GGCX: variants seen among roughly 807,000 people sequenced by gnomAD.
GGCX encodes gamma-glutamyl carboxylase.
GGCX carries 63 observed loss-of-function variants against 88.5 expected under a neutral mutation model. The observed-to-expected ratio is 0.71, with a 90% CI of 0.58 to 0.88. The LOEUF is 0.88. Ranked by LOEUF, GGCX falls within the 40% of genes least tolerant of loss-of-function variation. GGCX has a pLI of 0.00. For missense variants in GGCX, 805 were observed against 932.9 expected (o/e 0.86, Z 1.79); for synonymous variants, 368 against 365.8 (o/e 1.01, Z -0.07).
At chr2:85,553,142 C>G in intron 8 of GGCX, 72 bp from the exon 9 acceptor site, 2 of 1,610,152 alleles carry the variant, frequency 1.2e-6, no homozygotes, top group Non-Finnish European at 1.7e-6. Context: ...CAAGAAGGGG[C>G]TGCAAAACCA....
intron 10 of GGCX, 43 bp from the exon 11 acceptor site, chr2:85,552,024 AC>A: frequency 7.0e-7 from 1 of 1,427,008 alleles, no homozygotes; most frequent in Non-Finnish European, 9.9e-7. Context: ...ACAGCCACCC[AC>A]CCACCAGAAC....
chr2:85,551,119 C>G, intron 12 of GGCX, 47 bp from the exon 13 acceptor site: 2 of 1,569,888 alleles, frequency 1.3e-6, no homozygotes, highest in Non-Finnish European at 8.8e-7. Flanking sequence ...TTTTCTCTAG[C>G]CAGCTTATGG....
chr2:85,554,453 G>GTTT (rs376988482), intron 6 of GGCX, 147 bp from the exon 7 acceptor site: 1 of 565,396 alleles, frequency 1.8e-6, no homozygotes. Context: ...CCTCTAGGTT[G>GTTT]TTTGTTGTTG....
intron 4 of GGCX, among the ~76,000 whole-genome samples, chr2:85,556,595 T>C (rs1573328287): frequency 6.6e-6 from 1 of 152,188 alleles, no homozygotes; most frequent in East Asian, 1.9e-4. Context: ...TTTGAAAAGC[T>C]ATGTATGTGT....
In GGCX at chr2:85,550,069, C is replaced by T; in HGVS notation, c.2142G>A (p.Glu714=). Reference sequence around the variant, plus strand: ...CATAAGTCACCTCCTGGGCCAGCTGCTCCAGGGAAGGACGGCCTAATATCA... The same window carrying T: ...CATAAGTCACCTCCTGGGCCAGCTGTTCCAGGGAAGGACGGCCTAATATCA... The part of the protein sequence containing the change: ...RNLILGRPSL[E]QLAQEVTYAN... The change falls in exon 15 of 15, where the codon GAG becomes GAA. Residue 714 remains glutamate (E), a synonymous_variant. Coordinates refer to ENST00000233838, the MANE Select transcript of GGCX (RefSeq NM_000821.7). The T allele has an allele frequency of 1.2e-6, 2 of 1,612,796 alleles. No individual in the cohort carries two copies. Among genetic ancestry groups the T allele is most frequent in the Non-Finnish European group, 1.7e-6 (2 of 1,178,806 alleles).
In GGCX at chr2:85,546,495, T is replaced by A. The variant is rs1691673390; in HGVS notation, c.*3439A>T. 1 of 151,662 alleles carries A rather than the reference T, an allele frequency of 6.6e-6. No individual in the cohort carries two copies. The highest frequency in any genetic ancestry group is 1.5e-5 in the Non-Finnish European group (1 of 68,014). The allele number at this position is 151,662 out of a possible 1,614,324, so 9.4% of individuals were successfully genotyped here. ...ACTTTGGGAGGCTAATGCGGGTGGA[T>A]CACCTGAGGTCACGGTTTGATACCA... On this transcript the variant is annotated 3_prime_UTR_variant, in exon 15 of 15. Coordinates refer to ENST00000233838, the MANE Select transcript of GGCX (RefSeq NM_000821.7).
rs1691697861 is a variant in GGCX at position 85,546,968 on chromosome 2, G to A, written c.*2966C>T. The A allele has an allele frequency of 1.3e-5, 2 of 152,210 alleles. No individual in the cohort carries two copies. The highest frequency in any genetic ancestry group is 1.3e-4 in the Admixed American group (2 of 15,282). 9.4% of individuals were successfully genotyped at this position (152,210 alleles called of 1,614,324 possible). Reference sequence around the variant, plus strand: ...AAGTTTTCAAAAGTAACCGCTTTAAGGTTATGTTCAGTATTTGCTAAGTAA... The same window carrying A: ...AAGTTTTCAAAAGTAACCGCTTTAAAGTTATGTTCAGTATTTGCTAAGTAA... On this transcript the variant is annotated 3_prime_UTR_variant, in exon 15 of 15. Transcript: ENST00000233838.
At chr2:85,556,717 G>C (rs1361285507) in intron 4 of GGCX, among the ~76,000 whole-genome samples, 2 of 152,184 alleles carry the variant, frequency 1.3e-5, no homozygotes, top group East Asian at 1.9e-4. Flanking sequence ...TCCAGTATAA[G>C]AGGGTTCCTG....
rs530858793 is a variant in GGCX, at chr2:85,544,802, C to T, written c.*5132G>A. On this transcript the variant is annotated 3_prime_UTR_variant, in exon 15 of 15. Coordinates refer to ENST00000233838, the MANE Select transcript of GGCX (RefSeq NM_000821.7). ...GTGTAGCTACAGAGAAACCAGCTTC[C>T]TTCAGAGAGCAGTGCTTTTGGCGGG... 1 of 152,756 alleles carries T rather than the reference C, an allele frequency of 6.5e-6. No homozygotes were observed. Among genetic ancestry groups the T allele is most frequent in the East Asian group, 1.9e-4 (1 of 5,194 alleles). The allele number at this position is 152,756 out of a possible 1,614,324, so 9.5% of individuals were successfully genotyped here. A position where few individuals can be genotyped will look rare whatever the true frequency, so the allele number is the denominator to read the frequency against.
Position 85,561,446 on chromosome 2 carries a change from A to T in GGCX, c.-18T>A, listed in dbSNP as rs1362833484. The T allele has an allele frequency of 7.7e-6, 12 of 1,556,344 alleles. No individual in the cohort carries two copies. The Middle Eastern group carries it at 5.3e-4, about 69-fold the overall frequency. Reference sequence around the variant, plus strand: ...ACCGCCATTGCTCTGCGGAGGAGGCAGGTGGGTCACAGCTGCCGCGTCTGA... The same window carrying T: ...ACCGCCATTGCTCTGCGGAGGAGGCTGGTGGGTCACAGCTGCCGCGTCTGA... On this transcript the variant is annotated 5_prime_UTR_variant, in exon 1 of 15. Coordinates refer to ENST00000233838, the MANE Select transcript of GGCX (RefSeq NM_000821.7).
intron 10 of GGCX, 56 bp from the exon 11 acceptor site, chr2:85,552,037 T>G: frequency 4.0e-6 from 5 of 1,241,980 alleles, no homozygotes; most frequent in Non-Finnish European, 5.9e-6. Flanking sequence ...CACCAGAACT[T>G]CCAGTTCTCT....
intron 14 of GGCX, among the ~76,000 whole-genome samples, 180 bp from the exon 15 acceptor site, chr2:85,550,306 T>C (rs1211556888): frequency 6.6e-6 from 1 of 152,106 alleles, no homozygotes; most frequent in Non-Finnish European, 1.5e-5. Context: ...TACAGTCTGG[T>C]AGAGGATTCC....
At chr2:85,560,476 G>C (rs1463968827) in intron 2 of GGCX, among the ~76,000 whole-genome samples, 1 of 152,096 alleles carries the variant, frequency 6.6e-6, no homozygotes, top group Admixed American at 6.5e-5. Context: ...GGTGGTGGGC[G>C]CCTGTAATCC....
intron 1 of GGCX, 99 bp from the exon 2 acceptor site, chr2:85,561,084 G>T: frequency 9.2e-7 from 1 of 1,089,594 alleles, no homozygotes; most frequent in Non-Finnish European, 1.4e-6. Flanking sequence ...CGCCCACCCG[G>T]GTCGGCTCAA....
intron 7 of GGCX, 151 bp from the exon 8 acceptor site, chr2:85,553,648 G>A: frequency 1.4e-6 from 1 of 732,176 alleles, no homozygotes; most frequent in Non-Finnish European, 2.3e-6. Context: ...CGCCCAGGCT[G>A]GAGTGCAGTG....
chr2:85,553,609 CTT>C (rs201724124), intron 7 of GGCX, 112 bp from the exon 8 acceptor site: 12 of 941,492 alleles, frequency 1.3e-5, no homozygotes, highest in Admixed American at 4.3e-5. Context: ...AGTAGTTCTT[CTT>C]TTTTTTTTGA....
chr2:85,556,211 GGGGC>G lies in GGCX; in HGVS notation c.585_588del (p.Pro196PhefsTer20). ...CCACGGAGCACTGCATAGTTCCAAA[GGGGC>G]ACGTGGGCATTCCTCCTATGGGCAT... On this transcript the variant is annotated frameshift_variant, in exon 5 of 15. Coordinates refer to ENST00000233838, the MANE Select transcript of GGCX (RefSeq NM_000821.7). LOFTEE classifies it high-confidence loss of function. 1 of 1,612,876 alleles carries G rather than the reference GGGGC, an allele frequency of 6.2e-7. No individual in the cohort carries two copies. Among genetic ancestry groups the G allele is most frequent in the Non-Finnish European group, 8.5e-7 (1 of 1,178,832 alleles).
At chr2:85,561,094 A>G (rs574892546) in intron 1 of GGCX, 109 bp from the exon 2 acceptor site, 4 of 943,730 alleles carry the variant, frequency 4.2e-6, no homozygotes, top group Admixed American at 1.7e-5. Context: ...GGTCGGCTCA[A>G]TGAGGTTGCC....
rs796078883 is a variant in GGCX at position 85,561,278 on chromosome 2, GAC to G, written c.43+106_43+107del. ...ACAGCACGCCCCCTTCCCCACAGAG[GAC>G]CCCCCCCCCGCCTCACCGGGAGACA... On this transcript the variant is annotated intron_variant, in intron 1 of 14. Coordinates refer to ENST00000233838, the MANE Select transcript of GGCX (RefSeq NM_000821.7). The G allele has an allele frequency of 8.3e-3, 4,691 of 563,448 alleles. 48 individuals are homozygous for G. The highest frequency in any genetic ancestry group is 0.038 in the African/African-American group (1,657 of 44,160). The allele number at this position is 563,448 out of a possible 1,614,324, so 34.9% of individuals were successfully genotyped here. A position where few individuals can be genotyped will look rare whatever the true frequency, so the allele number is the denominator to read the frequency against.
Sources: gnomAD v4.1 joint callset for allele counts (sites outside exome capture counted in the v4.1 genomes callset) on GRCh38, gnomAD v4.1.1 for gene constraint, MANE v1.5 for transcripts, NCBI Gene and HGNC (gene_info 2026-07-23, HGNC 2026-07-21) for gene names.